SLC25A26: variants seen among roughly 807,000 people sequenced by gnomAD.
SLC25A26 encodes solute carrier family 25 member 26.
Under a neutral mutation model 37.8 loss-of-function variants are expected in SLC25A26, and 36 were observed. The ratio of observed to expected loss-of-function variants is 0.95; its 90% CI spans 0.73 to 1.26. The LOEUF is 1.26. SLC25A26 is among the 50% of genes most tolerant of loss of function. SLC25A26 has a pLI of 0.00. For synonymous variants in SLC25A26, 129 were observed against 122.5 expected (o/e 1.05, Z -0.35); for missense variants, 390 against 331.1 (o/e 1.18, Z -1.38).
chr3:66,344,305 A>G (rs2076272632), intron 5 of SLC25A26, among the ~76,000 whole-genome samples: 1 of 152,190 alleles, frequency 6.6e-6, no homozygotes, highest in Admixed American at 6.5e-5. Flanking sequence ...TCTACTAAAA[A>G]TACAAAAATT....
At chr3:66,375,120 G>A (rs571122821) in intron 9 of SLC25A26, among the ~76,000 whole-genome samples, 17 of 152,300 alleles carry the variant, frequency 1.1e-4, no homozygotes, top group African/African-American at 3.4e-4. Flanking sequence ...AGATCAGACC[G>A]GCCACAACAT....
chr3:66,157,276 T>C (rs1026707377), intron 1 of SLC25A26, among the ~76,000 whole-genome samples: 1 of 152,110 alleles, frequency 6.6e-6, no homozygotes. Context: ...GCTTAATATA[T>C]GCTAGGCAAT....
chr3:66,333,261 TC>T (rs1180929233), intron 5 of SLC25A26, among the ~76,000 whole-genome samples: 2 of 152,168 alleles, frequency 1.3e-5, no homozygotes, highest in African/African-American at 4.8e-5. Flanking sequence ...CGTCTTTTCA[TC>T]TTTCTTCAGC....
chr3:66,238,332 A>G (rs2072398536), intron 2 of SLC25A26, among the ~76,000 whole-genome samples: 1 of 152,024 alleles, frequency 6.6e-6, no homozygotes, highest in South Asian at 2.1e-4. Flanking sequence ...ATTAACACAT[A>G]CTTTGTGTGT....
chr3:66,346,665 T>C (rs2076329870), intron 6 of SLC25A26, among the ~76,000 whole-genome samples: 1 of 152,118 alleles, frequency 6.6e-6, no homozygotes, highest in African/African-American at 2.4e-5. Flanking sequence ...GGTTTACTTT[T>C]TTCCATATTG....
intron 6 of SLC25A26, among the ~76,000 whole-genome samples, chr3:66,358,889 G>A (rs2076635504): frequency 6.6e-6 from 1 of 152,220 alleles, no homozygotes; most frequent in Non-Finnish European, 1.5e-5. Flanking sequence ...CACCTGGAAT[G>A]TGGGAAGTTC....
upstream of SLC25A26, among the ~76,000 whole-genome samples, chr3:66,219,744 A>G (rs2071418668): frequency 6.6e-6 from 1 of 152,208 alleles, no homozygotes; most frequent in South Asian, 2.1e-4. Flanking sequence ...AGTTGTAAGC[A>G]GGGAAATAAC....
intron 5 of SLC25A26, among the ~76,000 whole-genome samples, chr3:66,343,459 C>G (rs529231084): frequency 1.3e-5 from 2 of 152,180 alleles, no homozygotes; most frequent in Non-Finnish European, 1.5e-5. Context: ...TACTGTCGCT[C>G]CCTTTTTAAA....
chr3:66,179,507 A>G (rs986052746), intron 1 of SLC25A26, among the ~76,000 whole-genome samples: 1 of 152,232 alleles, frequency 6.6e-6, no homozygotes, highest in East Asian at 1.9e-4. Flanking sequence ...ATGTAAGATT[A>G]GCACTGTGAG....
intron 5 of SLC25A26, among the ~76,000 whole-genome samples, chr3:66,314,478 G>A (rs759554654): frequency 2.6e-5 from 4 of 152,086 alleles, no homozygotes; most frequent in Admixed American, 6.6e-5. Flanking sequence ...ACTTGATCAC[G>A]GTGGATAAGG....
At chr3:66,171,025 G>A (rs1336916489) in intron 1 of SLC25A26, among the ~76,000 whole-genome samples, 2 of 151,238 alleles carry the variant, frequency 1.3e-5, no homozygotes, top group African/African-American at 2.4e-5. Flanking sequence ...GGATGGTCTC[G>A]ATCTCCTGAC....
intron 1 of SLC25A26, among the ~76,000 whole-genome samples, chr3:66,147,110 TCCC>T (rs2070129196): frequency 2.4e-5 from 1 of 41,420 alleles, no homozygotes; most frequent in African/African-American, 1.0e-4. Context: ...TCCCCTCCCC[TCCC>T]CTCCCCTCCC....
upstream of SLC25A26, among the ~76,000 whole-genome samples, chr3:66,218,507 G>A (rs2071394688): frequency 1.3e-5 from 2 of 152,036 alleles, no homozygotes; most frequent in Admixed American, 6.5e-5. Flanking sequence ...GGTGTTCACC[G>A]GCATTTCCCT....
intron 5 of SLC25A26, among the ~76,000 whole-genome samples, chr3:66,307,589 C>G (rs922356504): frequency 1.3e-5 from 2 of 152,136 alleles, no homozygotes; most frequent in Non-Finnish European, 2.9e-5. Flanking sequence ...ATGCCTACGT[C>G]CTGAATGGTA....
At chr3:66,210,346 G>T (rs1307580805) in intron 1 of SLC25A26, among the ~76,000 whole-genome samples, 3 of 152,058 alleles carry the variant, frequency 2.0e-5, no homozygotes, top group African/African-American at 7.2e-5. Context: ...GTGGGGTGAT[G>T]TGAAGGAAAA....
At position 66,184,980 on chromosome 3, in the gene SLC25A26, A is replaced by C. The variant is rs932909121; in HGVS notation, c.-353-35762A>C. On this transcript the variant is annotated intron_variant, in intron 1 of 10. Transcript: ENST00000676754. ...GTTGTGGTAAAATAAATGTAATATAAAATTTACCATCTTAAACATTTTAAA... is the reference window on the plus strand; with the variant it reads ...GTTGTGGTAAAATAAATGTAATATACAATTTACCATCTTAAACATTTTAAA... Among the ~76,000 whole-genome samples, 411 of 152,300 alleles carry C rather than the reference A, an allele frequency of 2.7e-3. 1 individual carries two copies. Among genetic ancestry groups the C allele is most frequent in the African/African-American group, 9.0e-3 (376 of 41,556 alleles).
chr3:66,225,178 C>A (rs969574773), intron 1 of SLC25A26, among the ~76,000 whole-genome samples: 1 of 152,186 alleles, frequency 6.6e-6, no homozygotes, highest in South Asian at 2.1e-4. Context: ...CCACATTTCC[C>A]TTCCACACTG....
intron 6 of SLC25A26, 88 bp downstream of exon 6, chr3:66,346,496 C>G (rs2076327017): frequency 3.7e-6 from 2 of 542,462 alleles, no homozygotes; most frequent in Non-Finnish European, 5.8e-6. Context: ...ATAATGTTGA[C>G]TAGAAGTTCA....
chr3:66,228,500 C>A (rs967588946), intron 1 of SLC25A26, among the ~76,000 whole-genome samples: 2 of 152,162 alleles, frequency 1.3e-5, no homozygotes, highest in African/African-American at 4.8e-5. Flanking sequence ...AAAAGTTACA[C>A]CCACAGTTAT....
Sources: gnomAD v4.1 joint callset for allele counts (sites outside exome capture counted in the v4.1 genomes callset) on GRCh38, gnomAD v4.1.1 for gene constraint, MANE v1.5 for transcripts, NCBI Gene and HGNC (gene_info 2026-07-23, HGNC 2026-07-21) for gene names.